The following TSPAN32 variants were observed in gnomAD, a reference collection of about 807,000 sequenced individuals.
TSPAN32 encodes tetraspanin 32.
A neutral mutation model predicts 42.7 loss-of-function variants in TSPAN32; 47 were observed. The observed-to-expected ratio is 1.10, with a 90% confidence interval of 0.87 to 1.40. TSPAN32 has a LOEUF of 1.40. Ranked by LOEUF, TSPAN32 falls within the 40% of genes most tolerant of loss-of-function variation. The pLI, the probability that TSPAN32 is intolerant of heterozygous loss-of-function variation, is 0.00. For synonymous variants in TSPAN32, 175 were observed against 175.9 expected, an observed-to-expected ratio of 0.99 and a Z score of 0.04; for missense variants, 469 against 424.1, an observed-to-expected ratio of 1.11 and a Z score of -0.93.
At chr11:2,305,986 ATGTGTGTGTGCATGTGCATGAG>A (rs1848056323) in intron 3 of TSPAN32, among the ~76,000 whole-genome samples, 1 of 147,990 alleles carries the variant, frequency 6.8e-6, no homozygotes, top group Non-Finnish European at 1.5e-5. Flanking sequence ...GCAAATATAC[ATGTGTGTGTGCATGTGCATGAG>A]TGTGTGTGTG....
intron 3 of TSPAN32, among the ~76,000 whole-genome samples, chr11:2,307,284 G>C (rs530944497): frequency 1.6e-4 from 25 of 152,302 alleles, no homozygotes; most frequent in Admixed American, 6.5e-4. Flanking sequence ...CTGCCAGCAT[G>C]TGTGGGTCTC....
rs149680436 is a variant in TSPAN32 at position 2,302,156 on chromosome 11, C to T, written c.7C>T (p.Pro3Ser). 5.9e-5 allele frequency: 85 copies of T among 1,445,892 alleles called. No individual in the cohort carries two copies. Among genetic ancestry groups the T allele is most frequent in the Non-Finnish European group, 7.8e-5 (85 of 1,096,642 alleles). 89.6% of individuals were successfully genotyped at this position (1,445,892 alleles called of 1,614,324 possible). ...GGAGAGGAGAGGAACCGTCATGGGG[C>T]CTTGGAGTCGAGTCAGGGTTGCCAA... MG[P>S]WSRVRVAKCQ... is the part of the protein sequence containing the mutation. Residue 3 changes from proline to serine, a missense_variant, in exon 1 of 10, where the codon CCT (proline) becomes TCT (serine). Coordinates refer to ENST00000182290, the MANE Select transcript of TSPAN32 (RefSeq NM_139022.3).
Position 2,304,108 on chromosome 11 carries a change from C to T in TSPAN32, c.183C>T (p.Ala61=), listed in dbSNP as rs1490453729. 6.3e-7 allele frequency: 1 copy of T among 1,578,986 alleles called. No homozygotes were observed. The highest frequency in any genetic ancestry group is 8.6e-7 in the Non-Finnish European group (1 of 1,162,352). ...KNPYQAVHQW[A]FSAGLSLVGL... ...CTCCTCCTCTCTCCTCCCAACCAGC[C>T]TTCTCTGCGGGGTTGAGCCTGGTGG... The change falls in exon 3 of 10, where the codon GCC becomes GCT. Residue 61 remains alanine (A), a splice_region_variant and synonymous_variant. Coordinates refer to ENST00000182290, the MANE Select transcript of TSPAN32 (RefSeq NM_139022.3). This position sits in a 1 kb window ranked among gnomAD's most constrained non-coding sequence, Gnocchi z 4.8.
intron 4 of TSPAN32, among the ~76,000 whole-genome samples, chr11:2,312,029 C>CCAGGCAGGGCAGGCAGGG (rs377033029): frequency 1.5e-3 from 227 of 148,574 alleles, no homozygotes; most frequent in Middle Eastern, 0.01. Context: ...GCAGGAAGAG[C>CCAGGCAGGGCAGGCAGGG]CAGGCAGGGC....
At chr11:2,314,621 C>T in intron 6 of TSPAN32, 50 bp downstream of exon 6, 2 of 1,486,056 alleles carry the variant, frequency 1.3e-6, no homozygotes, top group Non-Finnish European at 1.8e-6. Flanking sequence ...GGGGGCTGGA[C>T]ACCCTGGGGC....
intron 3 of TSPAN32, among the ~76,000 whole-genome samples, chr11:2,307,574 C>T (rs1215590090): frequency 6.6e-6 from 1 of 152,190 alleles, no homozygotes; most frequent in Non-Finnish European, 1.5e-5. Flanking sequence ...GGTTCTTAGC[C>T]TGGGTGACCT....
chr11:2,304,156 G>A lies in TSPAN32; in HGVS notation c.231G>A (p.Val77=). 6.3e-7 allele frequency: 1 copy of A among 1,588,590 alleles called. No individual in the cohort carries two copies. Among genetic ancestry groups the A allele is most frequent in the South Asian group, 1.1e-5 (1 of 87,300 alleles). The part of the protein sequence containing the change: ...SLVGLLTLGA[V]LSAAATVREA... ...TGGGCCTCCTGACTCTGGGAGCCGT[G>A]CTGAGCGCTGCAGCCACCGTGAGGG... Residue 77 remains valine (V), a synonymous_variant, in exon 3 of 10, where the codon GTG becomes GTA. Coordinates refer to ENST00000182290, the MANE Select transcript of TSPAN32 (RefSeq NM_139022.3). The surrounding 1 kb of genome is among the most constrained non-coding windows in gnomAD (Gnocchi z 4.8).
At position 2,304,884 on chromosome 11, in the gene TSPAN32, A is replaced by G. The variant is rs1483731357; in HGVS notation, c.279+680A>G. On this transcript the variant is annotated intron_variant, in intron 3 of 9. Coordinates refer to ENST00000182290, the MANE Select transcript of TSPAN32 (RefSeq NM_139022.3). This position sits in a 1 kb window ranked among gnomAD's most constrained non-coding sequence, Gnocchi z 4.8. ...TCCCCACGCCTGTCCTGCCCCTGCT[A>G]GGCCCACAGCCCTCTTCTCTCACCC... 6.6e-6 allele frequency among the ~76,000 whole-genome samples: 1 copy of G among 152,034 alleles called. No homozygotes were observed. Among genetic ancestry groups the G allele is most frequent in the African/African-American group, 2.4e-5 (1 of 41,408 alleles).
Position 2,304,377 on chromosome 11 carries a change from G to A in TSPAN32, c.279+173G>A, listed in dbSNP as rs1847946937. Among the ~76,000 whole-genome samples the A allele has an allele frequency of 6.6e-6, 1 of 151,932 alleles. No homozygotes were observed. Among genetic ancestry groups the A allele is most frequent in the South Asian group, 2.1e-4 (1 of 4,794 alleles). ...GTCAACCCCACACCTGAGTATCTAGGCAGAAACAGAGGCCCCAGGGATGCT... is the reference window on the plus strand; with the variant it reads ...GTCAACCCCACACCTGAGTATCTAGACAGAAACAGAGGCCCCAGGGATGCT... On this transcript the variant is annotated intron_variant, in intron 3 of 9. Transcript: ENST00000182290. The surrounding 1 kb of genome is among the most constrained non-coding windows in gnomAD (Gnocchi z 4.8).
At chr11:2,310,990 A>G (rs1477197955) in intron 4 of TSPAN32, among the ~76,000 whole-genome samples, 3 of 152,178 alleles carry the variant, frequency 2.0e-5, no homozygotes, top group Admixed American at 1.3e-4. Context: ...CAGCCTAGAC[A>G]GTGGCAAAGG....
chr11:2,310,797 C>T (rs1394367040), intron 4 of TSPAN32, among the ~76,000 whole-genome samples: 1 of 152,230 alleles, frequency 6.6e-6, no homozygotes, highest in Non-Finnish European at 1.5e-5. Flanking sequence ...CCAGGCTGGT[C>T]CTCCAGGACG....
At chr11:2,306,046 C>CTGTGTGTGTGTGTGTGTGTG (rs56961357) in intron 3 of TSPAN32, among the ~76,000 whole-genome samples, 3,427 of 147,248 alleles carry the variant, frequency 0.023, 96 homozygotes, top group East Asian at 0.1. Flanking sequence ...GCAGGTGCCT[C>CTGTGTGTGTGTGTGTGTGTG]TGTGTGTGTG....
rs1847984259 is a variant in TSPAN32, at chr11:2,304,864, A to C, written c.279+660A>C. ...GACCCCACCTGGCGGCAGCCTCCCC[A>C]CGCCTGTCCTGCCCCTGCTAGGCCC... On this transcript the variant is annotated intron_variant, in intron 3 of 9. Coordinates refer to ENST00000182290, the MANE Select transcript of TSPAN32 (RefSeq NM_139022.3). The surrounding 1 kb of genome is among the most constrained non-coding windows in gnomAD (Gnocchi z 4.8). Among the ~76,000 whole-genome samples, 1 of 151,516 alleles carries C rather than the reference A, an allele frequency of 6.6e-6. No individual in the cohort carries two copies. Among genetic ancestry groups the C allele is most frequent in the Non-Finnish European group, 1.5e-5 (1 of 67,886 alleles).
Position 2,313,874 on chromosome 11 carries a change from A to G in TSPAN32, c.456+119A>G. On this transcript the variant is annotated intron_variant, in intron 5 of 9. Coordinates refer to ENST00000182290, the MANE Select transcript of TSPAN32 (RefSeq NM_139022.3). This position sits in a 1 kb window ranked among gnomAD's most constrained non-coding sequence, Gnocchi z 9.1. ...CCAGGCACCGAGGGGGTTCCAGGAC[A>G]CAGGCCAGAGTTGCCCCTCAGGGCT... The G allele has an allele frequency of 1.2e-6, 1 of 830,026 alleles. No individual in the cohort carries two copies. Among genetic ancestry groups the G allele is most frequent in the Non-Finnish European group, 1.9e-6 (1 of 526,384 alleles). 51.4% of individuals were successfully genotyped at this position (830,026 alleles called of 1,614,324 possible). A position where few individuals can be genotyped will look rare whatever the true frequency, so the allele number is the denominator to read the frequency against.
chr11:2,314,432 G>A (rs770801826), intron 5 of TSPAN32, 53 bp from the exon 6 acceptor site: 202 of 1,456,746 alleles, frequency 1.4e-4, no homozygotes, highest in Non-Finnish European at 1.7e-4. Flanking sequence ...TGTGCTGCCC[G>A]CCTCCTGGGG....
rs977815677 is a variant in TSPAN32 at position 2,317,488 on chromosome 11, G to A, written c.864G>A (p.Ala288=). 41 of 1,594,922 alleles carry A rather than the reference G, an allele frequency of 2.6e-5. No homozygotes were observed. The highest frequency in any genetic ancestry group is 1.1e-4 in the African/African-American group (8 of 74,610). Residue 288 remains alanine (A), a synonymous_variant, in exon 9 of 10, where the codon GCG becomes GCA. Transcript: ENST00000182290. The surrounding 1 kb of genome is among the most constrained non-coding windows in gnomAD (Gnocchi z 6.2). The part of the protein sequence containing the change: ...SLRWLQESDA[A]PLPLSCHLAA... ...GGTGGCTGCAGGAGAGCGATGCTGC[G>A]CCTCTGCCCCTCTCCTGCCACCTGG... is the stretch of plus-strand genomic sequence containing the variant.
At position 2,317,492 on chromosome 11, in the gene TSPAN32, C is replaced by T. The variant is rs773830531; in HGVS notation, c.868C>T (p.Leu290=). 5.0e-6 allele frequency: 8 copies of T among 1,592,930 alleles called. No homozygotes were observed. In the Admixed American group the frequency reaches 7.0e-5, roughly 14 times the overall value. ...RWLQESDAAP[L]PLSCHLAAHR... ...GCTGCAGGAGAGCGATGCTGCGCCT[C>T]TGCCCCTCTCCTGCCACCTGGCTGC... Residue 290 remains leucine (L), a synonymous_variant, in exon 9 of 10, where the codon CTG becomes TTG. Transcript: ENST00000182290. This position sits in a 1 kb window ranked among gnomAD's most constrained non-coding sequence, Gnocchi z 6.2.
At chr11:2,308,664 G>GC (rs34400624) in intron 3 of TSPAN32, 72 bp from the exon 4 acceptor site, 1 of 100,176 alleles carries the variant, frequency 1.0e-5, no homozygotes. Context: ...ACAGTGACCG[G>GC]CCCCCCCCAG....
rs753029496 is a variant in TSPAN32 at position 2,317,879 on chromosome 11, T to C, written c.918T>C (p.Ser306=). 6.6e-7 allele frequency: 1 copy of C among 1,508,858 alleles called. No individual in the cohort carries two copies. Among genetic ancestry groups the C allele is most frequent in the Non-Finnish European group, 9.2e-7 (1 of 1,084,402 alleles). The allele number at this position is 1,508,858 out of a possible 1,614,324, so 93.5% of individuals were successfully genotyped here. ...ATCTCGCAGCTCTCCAGGGCAGAAG[T>C]CGCGGTGGGCTCAGTGGGTGCCCTG... ...LAAHRALQGR[S]RGGLSGCPER... is the part of the protein sequence containing the mutation. Residue 306 remains serine, a synonymous_variant, in exon 10 of 10, where the codon AGT becomes AGC. Coordinates refer to ENST00000182290, the MANE Select transcript of TSPAN32 (RefSeq NM_139022.3). The surrounding 1 kb of genome is among the most constrained non-coding windows in gnomAD (Gnocchi z 6.2).
Sources: gnomAD v4.1 joint callset for allele counts (sites outside exome capture counted in the v4.1 genomes callset) on GRCh38, gnomAD v4.1.1 for gene constraint, Gnocchi (gnomAD v3.1) non-coding constraint, MANE v1.5 for transcripts, NCBI Gene and HGNC (gene_info 2026-07-23, HGNC 2026-07-21) for gene names.